PLEKHD1: variants seen among roughly 807,000 people sequenced by gnomAD.
The protein encoded by PLEKHD1 is pleckstrin homology and coiled-coil domain containing D1.
Under a neutral mutation model 69.2 loss-of-function variants are expected in PLEKHD1, and 51 were observed. The observed-to-expected ratio is 0.74, with a 90% CI of 0.59 to 0.93. PLEKHD1 has a LOEUF of 0.93. Ranked by LOEUF, PLEKHD1 falls within the 40% of genes least tolerant of loss-of-function variation. The pLI is 0.00. For missense variants in PLEKHD1, 584 were observed against 641.0 expected (o/e 0.91, Z 0.96); for synonymous variants, 236 against 244.7 (o/e 0.96, Z 0.33).
chr14:69,528,435 T>A lies in PLEKHD1; in HGVS notation c.*16T>A, dbSNP rs1214328741. On this transcript the variant is annotated 3_prime_UTR_variant, in exon 13 of 13. Transcript: ENST00000322564. ...TGGAAAGTGATGGGCGCTCCTCCCC[T>A]GCTTCCCAAGTCTCCCCTGGATGGG... 2 of 1,548,288 alleles carry A rather than the reference T, an allele frequency of 1.3e-6. No homozygotes were observed. The highest frequency in any genetic ancestry group is 1.7e-6 in the Non-Finnish European group (2 of 1,146,354).
At position 69,525,832 on chromosome 14, in the gene PLEKHD1, T is replaced by C. The variant is rs1883631794; in HGVS notation, c.745-112T>C. 3 of 1,018,458 alleles carry C rather than the reference T, an allele frequency of 2.9e-6. No individual in the cohort carries two copies. In the Admixed American group the frequency reaches 8.5e-5, roughly 29 times the overall value. 63.1% of individuals were successfully genotyped at this position (1,018,458 alleles called of 1,614,324 possible). A position where few individuals can be genotyped will look rare whatever the true frequency, so the allele number is the denominator to read the frequency against. On this transcript the variant is annotated intron_variant, in intron 8 of 12. Transcript: ENST00000322564. Reference sequence around the variant, plus strand: ...AAGAATGAAGACATTTCAGCGGCCATAGAGGACTGAGAGAGGAGTGGGTCA... The same window carrying C: ...AAGAATGAAGACATTTCAGCGGCCACAGAGGACTGAGAGAGGAGTGGGTCA...
chr14:69,524,128 G>A lies in PLEKHD1; in HGVS notation c.651-101G>A, dbSNP rs1883583870. Reference sequence around the variant, plus strand: ...GCTGGCCATTCAAGAGCCCTCCTGAGCCCCATCAGGAAGTGAAGCAAAAGC... The same window carrying A: ...GCTGGCCATTCAAGAGCCCTCCTGAACCCCATCAGGAAGTGAAGCAAAAGC... On this transcript the variant is annotated intron_variant, in intron 7 of 12. Transcript: ENST00000322564. 5 of 937,456 alleles carry A rather than the reference G, an allele frequency of 5.3e-6. No individual in the cohort carries two copies. In the South Asian group the frequency reaches 6.2e-5, roughly 12 times the overall value. The allele number at this position is 937,456 out of a possible 1,614,324, so 58.1% of individuals were successfully genotyped here. A position where few individuals can be genotyped will look rare whatever the true frequency, so the allele number is the denominator to read the frequency against.
At chr14:69,504,602 A>G (rs1283368968) in intron 6 of PLEKHD1, among the ~76,000 whole-genome samples, 3 of 152,202 alleles carry the variant, frequency 2.0e-5, no homozygotes, top group Non-Finnish European at 4.4e-5. Context: ...CTTAATTTTA[A>G]TCCAACAGGA....
intron 11 of PLEKHD1, 41 bp from the exon 12 acceptor site, chr14:69,527,742 A>T (rs1883689161): frequency 9.7e-6 from 15 of 1,546,492 alleles, no homozygotes; most frequent in Non-Finnish European, 1.3e-5. Flanking sequence ...GGGGGTAAGG[A>T]TGCAGTCGGA....
At chr14:69,472,078 T>C in the PLEKHD1 span, among the ~76,000 whole-genome samples, 1 of 151,786 alleles carries the variant, frequency 6.6e-6, no homozygotes, top group Non-Finnish European at 1.5e-5. Flanking sequence ...CCGTGCTGAG[T>C]CAGAACCAAA....
Position 69,524,327 on chromosome 14 carries a change from G to T in PLEKHD1, c.744+5G>T. The T allele has an allele frequency of 6.4e-7, 1 of 1,551,116 alleles. No individual in the cohort carries two copies. The highest frequency in any genetic ancestry group is 1.2e-5 in the South Asian group (1 of 84,048). On this transcript the variant is annotated splice_donor_5th_base_variant and intron_variant, in intron 8 of 12. Coordinates refer to ENST00000322564, the MANE Select transcript of PLEKHD1 (RefSeq NM_001161498.2). ...TCCTTGCAGCAGACACTGGAGGTGAGGGGCTGCTGGTGGGTTAGTTGACCA... is the reference window on the plus strand; with the variant it reads ...TCCTTGCAGCAGACACTGGAGGTGATGGGCTGCTGGTGGGTTAGTTGACCA...
upstream of PLEKHD1, among the ~76,000 whole-genome samples, chr14:69,480,973 A>T (rs1317696733): frequency 1.3e-5 from 2 of 152,228 alleles, no homozygotes; most frequent in African/African-American, 4.8e-5. Context: ...GATTGAAGAG[A>T]TGGATTCCCT....
the PLEKHD1 span, among the ~76,000 whole-genome samples, chr14:69,471,395 G>T: frequency 6.6e-6 from 1 of 152,122 alleles, no homozygotes; most frequent in East Asian, 1.9e-4. Context: ...ACAGACATGA[G>T]CCACCACGCC....
chr14:69,497,772 C>T (rs1882918989), intron 1 of PLEKHD1, among the ~76,000 whole-genome samples: 3 of 152,222 alleles, frequency 2.0e-5, no homozygotes, highest in Non-Finnish European at 4.4e-5. Flanking sequence ...TATTCATGTG[C>T]TGTTTCCGCA....
chr14:69,522,135 G>A (rs1361910361), intron 6 of PLEKHD1, 148 bp from the exon 7 acceptor site: 10 of 677,218 alleles, frequency 1.5e-5, no homozygotes, highest in South Asian at 7.8e-5. Context: ...TGGGGCCAGC[G>A]GGCCTTAGAA....
chr14:69,483,715 G>A (rs1237229897), upstream of PLEKHD1, among the ~76,000 whole-genome samples: 1 of 152,290 alleles, frequency 6.6e-6, no homozygotes, highest in Admixed American at 6.5e-5. Flanking sequence ...ACTTCCAGAG[G>A]CGTCCTTGGC....
the PLEKHD1 span, among the ~76,000 whole-genome samples, chr14:69,468,817 G>A: frequency 6.6e-6 from 1 of 152,294 alleles, no homozygotes; most frequent in East Asian, 1.9e-4. Flanking sequence ...CTGATCTCAA[G>A]CCATCCTCCT....
rs1420226215 is a variant in PLEKHD1, at chr14:69,528,776, C to T, written c.*357C>T. The stretch of plus-strand genomic sequence containing the variant: ...CCACTGTGCCATCAGGCAGGGTCTG[C>T]CCCACTGAGGAAGATGGCAGCCCTC... On this transcript the variant is annotated 3_prime_UTR_variant, in exon 13 of 13. Coordinates refer to ENST00000322564, the MANE Select transcript of PLEKHD1 (RefSeq NM_001161498.2). The T allele has an allele frequency of 1.3e-5, 3 of 238,678 alleles. No homozygotes were observed. The highest frequency in any genetic ancestry group is 9.8e-5 in the East Asian group (1 of 10,226). The allele number at this position is 238,678 out of a possible 1,614,324, so 14.8% of individuals were successfully genotyped here.
intron 6 of PLEKHD1, chr14:69,503,223 G>A (rs989390598): frequency 3.2e-6 from 1 of 314,472 alleles, no homozygotes; most frequent in Non-Finnish European, 6.1e-6. Context: ...TATCCATAGA[G>A]GGCTATCTGG....
At position 69,500,579 on chromosome 14, in the gene PLEKHD1, C is replaced by T. The variant is rs758483540; in HGVS notation, c.246C>T (p.Gly82=). The change falls in exon 3 of 13, where the codon GGC becomes GGT. Residue 82 remains glycine (G), a splice_region_variant and synonymous_variant. Coordinates refer to ENST00000322564, the MANE Select transcript of PLEKHD1 (RefSeq NM_001161498.2). ...TGCCTGTTCTGGTTCTTCCTCAGGG[C>T]GTCATCCCTCTGGGGGGCTGCCTGG... ...TNKYFNIHPK[G]VIPLGGCLVE... 48 of 1,548,072 alleles carry T rather than the reference C, an allele frequency of 3.1e-5. No homozygotes were observed. The highest frequency in any genetic ancestry group is 1.7e-4 in the Middle Eastern group (1 of 5,988).
intron 6 of PLEKHD1, among the ~76,000 whole-genome samples, chr14:69,514,253 T>G (rs1031479619): frequency 7.5e-6 from 1 of 134,034 alleles, no homozygotes; most frequent in Non-Finnish European, 1.5e-5. Context: ...CTGCTCTGGG[T>G]TTTTTTTTTT....
At chr14:69,501,603 T>C (rs1227317910) in intron 4 of PLEKHD1, 131 bp from the exon 5 acceptor site, 2 of 661,570 alleles carry the variant, frequency 3.0e-6, no homozygotes, top group Non-Finnish European at 5.1e-6. Flanking sequence ...TGAATGCAAG[T>C]TGAGATTCTG....
At chr14:69,481,714 C>T (rs1322251935), upstream of PLEKHD1, among the ~76,000 whole-genome samples, 1 of 152,198 alleles carries the variant, frequency 6.6e-6, no homozygotes, top group Non-Finnish European at 1.5e-5. Flanking sequence ...GTATGTACCT[C>T]ATAGGTCTAT....
intron 8 of PLEKHD1, among the ~76,000 whole-genome samples, chr14:69,525,007 C>A (rs982962807): frequency 2.0e-5 from 3 of 152,088 alleles, no homozygotes; most frequent in African/African-American, 7.2e-5. Context: ...TCATTTCCAC[C>A]TTTTCTCTGC....
Sources: allele counts gnomAD v4.1 joint callset (sites outside exome capture counted in the v4.1 genomes callset), GRCh38; gene constraint gnomAD v4.1.1; transcripts MANE v1.5; gene names NCBI Gene and HGNC (gene_info 2026-07-23, HGNC 2026-07-21).